Variants in CTNND2 observed in about 807,000 individuals in gnomAD.
The protein encoded by CTNND2 is catenin delta 2.
In CTNND2, 22 loss-of-function variants were observed where a neutral mutation model predicts 144.4. The ratio of observed to expected loss-of-function variants is 0.15; its 90% CI spans 0.11 to 0.22. The LOEUF is 0.22. Ranked by LOEUF, CTNND2 falls within the 10% of genes least tolerant of loss-of-function variation. The probability of loss-of-function intolerance (pLI) is 1.00; values close to 1 mark genes in which losing one functional copy is unlikely to be tolerated. For synonymous variants in CTNND2, 751 were observed against 695.6 expected (o/e 1.08, Z -1.25); for missense variants, 1,353 against 1,618.8 (o/e 0.84, Z 2.82).
chr5:11,615,798 C>T (rs1328323841), intron 2 of CTNND2, among the ~76,000 whole-genome samples: 1 of 152,164 alleles, frequency 6.6e-6, no homozygotes, highest in African/African-American at 2.4e-5. Context: ...TGGCCTGGGA[C>T]TATGTAGTGG....
chr5:11,086,021 C>T (rs1028144555), intron 15 of CTNND2, among the ~76,000 whole-genome samples: 3 of 152,066 alleles, frequency 2.0e-5, no homozygotes, highest in African/African-American at 7.2e-5. Context: ...ATTCGTGTAG[C>T]CCCAGTGTGG....
At chr5:11,807,095 T>C (rs984984243) in intron 1 of CTNND2, among the ~76,000 whole-genome samples, 1 of 152,178 alleles carries the variant, frequency 6.6e-6, no homozygotes, top group African/African-American at 2.4e-5. Context: ...AACTCTGTAT[T>C]ATTAAAATAA....
chr5:11,098,616 C>A lies in CTNND2; in HGVS notation c.2596G>T (p.Ala866Ser). 1 of 1,614,132 alleles carries A rather than the reference C, an allele frequency of 6.2e-7. No homozygotes were observed. Among genetic ancestry groups the A allele is most frequent in the Non-Finnish European group, 8.5e-7 (1 of 1,179,998 alleles). ...GCCAAGTTCTGCAGGGCGCCTGCCG[C>A]CCCTTCCAGCGTGTCTGGATTTGAG... ...ECSNPDTLEG[A>S]AGALQNLAAG... Residue 866 changes from alanine (A) to serine (S), a missense_variant, in exon 15 of 22, where the codon GCG becomes TCG. Transcript: ENST00000304623.
intron 9 of CTNND2, among the ~76,000 whole-genome samples, chr5:11,241,239 T>C (rs1742412680): frequency 6.6e-6 from 1 of 152,168 alleles, no homozygotes; most frequent in Non-Finnish European, 1.5e-5. Context: ...CCATCGCATC[T>C]CACAACTCTG....
intron 1 of CTNND2, among the ~76,000 whole-genome samples, chr5:11,841,951 C>T (rs530458531): frequency 4.6e-5 from 7 of 151,872 alleles, no homozygotes; most frequent in Admixed American, 1.3e-4. Context: ...GGTCTGCTCT[C>T]TTCTTTTTAA....
chr5:11,129,123 A>AATAAAATATATATATTATATAT lies in CTNND2; in HGVS notation c.2160-11557_2160-11556insATATATAATATATATATTTTAT, dbSNP rs1561352341. Among the ~76,000 whole-genome samples, 34 of 14,910 alleles carry AATAAAATATATATATTATATAT rather than the reference A, an allele frequency of 2.3e-3. 3 individuals are homozygous for AATAAAATATATATATTATATAT. The highest frequency in any genetic ancestry group is 3.5e-3 in the Non-Finnish European group (23 of 6,566). 9.8% of individuals were successfully genotyped at this position (14,910 alleles called of 152,430 possible). A position where few individuals can be genotyped will look rare whatever the true frequency, so the allele number is the denominator to read the frequency against. On this transcript the variant is annotated intron_variant, in intron 12 of 21. Coordinates refer to ENST00000304623, the MANE Select transcript of CTNND2 (RefSeq NM_001332.4). ...AAATAAAATATATATATTATATATAATATATATTTATATATATTATATATA... is the reference window on the plus strand; with the variant it reads ...AAATAAAATATATATATTATATATAAATAAAATATATATATTATATATTATATATTTATATATATTATATATA...
At chr5:11,397,532 A>T (rs1386798715) in intron 5 of CTNND2, among the ~76,000 whole-genome samples, 1 of 152,184 alleles carries the variant, frequency 6.6e-6, no homozygotes, top group Non-Finnish European at 1.5e-5. Flanking sequence ...TATCAGAAAC[A>T]TTTGAAATAA....
chr5:11,776,623 AT>A (rs1326083613), intron 1 of CTNND2, among the ~76,000 whole-genome samples: 1 of 152,216 alleles, frequency 6.6e-6, no homozygotes, highest in Non-Finnish European at 1.5e-5. Context: ...AGAAATACTA[AT>A]TAATAGCCTC....
intron 2 of CTNND2, among the ~76,000 whole-genome samples, chr5:11,584,266 G>A (rs867594464): frequency 6.6e-6 from 1 of 152,138 alleles, no homozygotes; most frequent in African/African-American, 2.4e-5. Flanking sequence ...GTAGGAACAC[G>A]TATGCAAATG....
chr5:11,165,569 T>C (rs1238249524), intron 11 of CTNND2, among the ~76,000 whole-genome samples: 1 of 152,248 alleles, frequency 6.6e-6, no homozygotes, highest in African/African-American at 2.4e-5. Flanking sequence ...TATTAGCATC[T>C]TTCTTTTATT....
chr5:11,033,847 A>G (rs1271945453), intron 16 of CTNND2, among the ~76,000 whole-genome samples: 1 of 152,146 alleles, frequency 6.6e-6, no homozygotes, highest in African/African-American at 2.4e-5. Flanking sequence ...AGCAACAACA[A>G]CAACAACATC....
chr5:11,211,547 C>T (rs966777542), intron 10 of CTNND2, among the ~76,000 whole-genome samples: 7 of 152,140 alleles, frequency 4.6e-5, no homozygotes, highest in African/African-American at 1.4e-4. Flanking sequence ...AGGAATCATG[C>T]GTGACTACGA....
intron 2 of CTNND2, among the ~76,000 whole-genome samples, chr5:11,691,801 G>T (rs1180753085): frequency 6.6e-6 from 1 of 152,120 alleles, no homozygotes; most frequent in Non-Finnish European, 1.5e-5. Context: ...GAGGTGGGAG[G>T]ATCACTAGAG....
intron 1 of CTNND2, among the ~76,000 whole-genome samples, chr5:11,744,865 G>A (rs928350356): frequency 6.6e-6 from 1 of 152,004 alleles, no homozygotes; most frequent in Non-Finnish European, 1.5e-5. Context: ...TTCCACCTCA[G>A]CCTGGGACTA....
At chr5:11,621,156 C>A (rs184512914) in intron 2 of CTNND2, among the ~76,000 whole-genome samples, 1 of 152,208 alleles carries the variant, frequency 6.6e-6, no homozygotes, top group East Asian at 1.9e-4. Context: ...ACATATAAAA[C>A]CAATATTTAA....
intron 2 of CTNND2, among the ~76,000 whole-genome samples, chr5:11,651,632 C>G (rs969620808): frequency 6.6e-6 from 1 of 152,210 alleles, no homozygotes; most frequent in African/African-American, 2.4e-5. Flanking sequence ...TGCAAAGCCA[C>G]AGGGGTGGAG....
intron 9 of CTNND2, among the ~76,000 whole-genome samples, chr5:11,265,278 T>C (rs1003137033): frequency 5.9e-5 from 9 of 152,134 alleles, no homozygotes; most frequent in Non-Finnish European, 1.0e-4. Context: ...ATAATGTACA[T>C]GAGAGAACAG....
intron 20 of CTNND2, among the ~76,000 whole-genome samples, chr5:10,983,682 C>T (rs17789330): frequency 0.12 from 18,086 of 152,158 alleles, 1,109 homozygotes; most frequent in Non-Finnish European, 0.14. Flanking sequence ...AAATCCTCCT[C>T]GAAGGCCCAA....
At chr5:11,189,323 A>T (rs61751814) in intron 11 of CTNND2, among the ~76,000 whole-genome samples, 340 of 152,294 alleles carry the variant, frequency 2.2e-3, no homozygotes, top group Non-Finnish European at 3.7e-3. Flanking sequence ...AAGCACCTAA[A>T]CTTCACTTCC....
Sources: gnomAD v4.1 joint callset for allele counts (sites outside exome capture counted in the v4.1 genomes callset) on GRCh38, gnomAD v4.1.1 for gene constraint, MANE v1.5 for transcripts, NCBI Gene and HGNC (gene_info 2026-07-23, HGNC 2026-07-21) for gene names.